Variants in SMOC2 observed in about 807,000 individuals in gnomAD.
The protein encoded by SMOC2 is SPARC-related modular calcium-binding protein 2.
Under a neutral mutation model 61.4 loss-of-function variants are expected in SMOC2, and 39 were observed. That is an observed-to-expected ratio of 0.64 (90% CI 0.49 to 0.83). The LOEUF (loss-of-function observed/expected upper bound fraction) is 0.83, where lower values mean the gene tolerates loss of function less well. Ranked by LOEUF, SMOC2 falls within the 40% of genes least tolerant of loss-of-function variation. SMOC2 has a pLI of 0.00. For synonymous variants in SMOC2, 247 were observed against 239.9 expected (o/e 1.03, Z -0.27); for missense variants, 556 against 592.9 (o/e 0.94, Z 0.65).
intron 9 of SMOC2, among the ~76,000 whole-genome samples, chr6:168,626,366 T>C (rs1403882749): frequency 1.3e-5 from 2 of 152,162 alleles, no homozygotes; most frequent in Non-Finnish European, 2.9e-5. Flanking sequence ...CAGGAATAAT[T>C]GACGATGTGT....
At chr6:168,648,069 CA>C (rs112914297) in intron 9 of SMOC2, among the ~76,000 whole-genome samples, 30 of 151,678 alleles carry the variant, frequency 2.0e-4, no homozygotes, top group African/African-American at 6.8e-4. Context: ...AATTAACAGC[CA>C]AAAAAAATCC....
At chr6:168,644,225 C>T (rs1200226268) in intron 9 of SMOC2, among the ~76,000 whole-genome samples, 1 of 152,210 alleles carries the variant, frequency 6.6e-6, no homozygotes, top group Non-Finnish European at 1.5e-5. Context: ...ATGGACATGG[C>T]TTCGGGACCC....
chr6:168,462,737 G>T (rs1285951646), intron 1 of SMOC2, among the ~76,000 whole-genome samples: 3 of 152,206 alleles, frequency 2.0e-5, no homozygotes, highest in Non-Finnish European at 4.4e-5. Context: ...GAGAAAAAGG[G>T]TTTGGGCTGA....
At chr6:168,662,944 A>C (rs1287155524) in intron 11 of SMOC2, among the ~76,000 whole-genome samples, 5 of 152,212 alleles carry the variant, frequency 3.3e-5, no homozygotes, top group Non-Finnish European at 7.3e-5. Flanking sequence ...GCAAGGGAAG[A>C]TAATGAGTCC....
Position 168,641,101 on chromosome 6 carries a change from C to T in SMOC2, c.908-9580C>T, listed in dbSNP as rs570381776. Reference sequence around the variant, plus strand: ...GGCAGAAATAGTTGTTTTGTCATGCCGAGTAACACTGAGAGTGAGAATACA... The same window carrying T: ...GGCAGAAATAGTTGTTTTGTCATGCTGAGTAACACTGAGAGTGAGAATACA... On this transcript the variant is annotated intron_variant, in intron 9 of 12. Coordinates refer to ENST00000356284, the MANE Select transcript of SMOC2 (RefSeq NM_001166412.2). 5.9e-5 allele frequency among the ~76,000 whole-genome samples: 9 copies of T among 152,116 alleles called. No homozygotes were observed. The East Asian group carries it at 7.7e-4, about 13-fold the overall frequency.
At chr6:168,462,175 G>A (rs1300508666) in intron 1 of SMOC2, among the ~76,000 whole-genome samples, 2 of 152,156 alleles carry the variant, frequency 1.3e-5, no homozygotes, top group African/African-American at 2.4e-5. Context: ...TTTCATTACT[G>A]AGTGATTTAG....
rs9456185 is a variant in SMOC2, at chr6:168,558,274, G to A, written c.637+9071G>A. 2.1e-3 allele frequency among the ~76,000 whole-genome samples: 327 copies of A among 152,296 alleles called. 3 individuals are homozygous for A. The highest frequency in any genetic ancestry group is 7.5e-3 in the African/African-American group (310 of 41,556). On this transcript the variant is annotated intron_variant, in intron 7 of 12. Coordinates refer to ENST00000356284, the MANE Select transcript of SMOC2 (RefSeq NM_001166412.2). ...ATCATGTCAGGCATGGGGAGGAGAC[G>A]GGAGAGTGGTTGGTGTCATGTACCG...
At chr6:168,496,955 C>T (rs976458854) in intron 1 of SMOC2, among the ~76,000 whole-genome samples, 1 of 152,258 alleles carries the variant, frequency 6.6e-6, no homozygotes, top group African/African-American at 2.4e-5. Context: ...GAGCCCCCAC[C>T]GCCTCTCCTC....
At chr6:168,602,394 T>C (rs924347122) in intron 8 of SMOC2, among the ~76,000 whole-genome samples, 6 of 152,204 alleles carry the variant, frequency 3.9e-5, no homozygotes, top group African/African-American at 1.4e-4. Context: ...ATGTTATAGC[T>C]GTTAGGGCAT....
chr6:168,562,539 G>A (rs927842110), intron 7 of SMOC2, among the ~76,000 whole-genome samples: 4 of 151,858 alleles, frequency 2.6e-5, no homozygotes, highest in African/African-American at 9.7e-5. Flanking sequence ...TCACTTTGGG[G>A]GTGAGGAGGT....
chr6:168,539,027 G>T (rs1210754934), intron 4 of SMOC2, among the ~76,000 whole-genome samples: 2 of 152,048 alleles, frequency 1.3e-5, no homozygotes, highest in South Asian at 2.1e-4. Context: ...GGACTGAGTC[G>T]CTTCCTCCCT....
chr6:168,567,408 G>C (rs531952060), intron 7 of SMOC2, among the ~76,000 whole-genome samples: 1 of 152,090 alleles, frequency 6.6e-6, no homozygotes, highest in Non-Finnish European at 1.5e-5. Flanking sequence ...AAAATTTTAG[G>C]TTGAAGCAGA....
chr6:168,550,487 C>T (rs377385959), intron 7 of SMOC2, among the ~76,000 whole-genome samples: 2 of 152,156 alleles, frequency 1.3e-5, no homozygotes, highest in African/African-American at 2.4e-5. Flanking sequence ...AACCCCATGG[C>T]GAGTCTATGG....
intron 9 of SMOC2, among the ~76,000 whole-genome samples, chr6:168,638,699 C>T (rs771574753): frequency 5.5e-4 from 83 of 152,106 alleles, no homozygotes; most frequent in African/African-American, 1.8e-3. Flanking sequence ...CGAAGGTGCC[C>T]CGGGCTGGGG....
intron 1 of SMOC2, among the ~76,000 whole-genome samples, chr6:168,461,165 CAA>C (rs1381450724): frequency 1.3e-5 from 2 of 152,190 alleles, no homozygotes; most frequent in Non-Finnish European, 2.9e-5. Context: ...TGGCAGGAGG[CAA>C]AGAGAGCTTG....
rs528716628 is a variant in SMOC2, at chr6:168,647,548, C to T, written c.908-3133C>T. Among the ~76,000 whole-genome samples the T allele has an allele frequency of 1.4e-4, 22 of 152,286 alleles. No individual in the cohort carries two copies. In the South Asian group the frequency reaches 2.9e-3, roughly 20 times the overall value. On this transcript the variant is annotated intron_variant, in intron 9 of 12. Transcript: ENST00000356284. ...CCGGACACAGCTGTCATGGGAGAAG[C>T]GGAATAGCTCCCTGTGGGCAACAGT...
At position 168,577,288 on chromosome 6, in the gene SMOC2, G is replaced by A. The variant is rs527777111; in HGVS notation, c.638-21530G>A. On this transcript the variant is annotated intron_variant, in intron 7 of 12. Transcript: ENST00000356284. ...TTTGCTGGACCAGGATGCTTGTTCCGTCTAAACGCGCTCTCTCTCGTCTCA... is the reference window on the plus strand; with the variant it reads ...TTTGCTGGACCAGGATGCTTGTTCCATCTAAACGCGCTCTCTCTCGTCTCA... 7.3e-5 allele frequency among the ~76,000 whole-genome samples: 11 copies of A among 151,630 alleles called. No homozygotes were observed. In the East Asian group the frequency reaches 7.8e-4, roughly 11 times the overall value.
intron 1 of SMOC2, among the ~76,000 whole-genome samples, chr6:168,509,311 C>T (rs2115051111): frequency 6.6e-6 from 1 of 152,314 alleles, no homozygotes; most frequent in East Asian, 1.9e-4. Context: ...ACACAAGCTT[C>T]CTCTGGGCCA....
intron 1 of SMOC2, among the ~76,000 whole-genome samples, chr6:168,496,454 C>T (rs564264837): frequency 6.6e-5 from 10 of 152,312 alleles, no homozygotes; most frequent in South Asian, 2.1e-4. Flanking sequence ...TTAATTTAAA[C>T]GTGAATAGAT....
Sources: gnomAD v4.1 joint callset for allele counts (sites outside exome capture counted in the v4.1 genomes callset) on GRCh38, gnomAD v4.1.1 for gene constraint, MANE v1.5 for transcripts, NCBI Gene and HGNC (gene_info 2026-07-23, HGNC 2026-07-21) for gene names.